Variants in TMEM31 observed in about 807,000 individuals in gnomAD.
TMEM31 encodes the protein testicular secretory protein Li 58.
In TMEM31, 1 loss-of-function variant was observed where a neutral mutation model predicts 2.4. That is an observed-to-expected ratio of 0.42 (90% CI 0.15 to 1.97). The LOEUF is 1.97. TMEM31 is among the 30% of genes most tolerant of loss of function. The probability of loss-of-function intolerance (pLI) is 0.30; values close to 1 mark genes in which losing one functional copy is unlikely to be tolerated. For missense variants in TMEM31, 119 were observed against 121.3 expected, an observed-to-expected ratio of 0.98 and a Z score of 0.09; for synonymous variants, 47 against 45.8, an observed-to-expected ratio of 1.03 and a Z score of -0.10.
intron 1 of TMEM31, among the ~76,000 whole-genome samples, chrX:103,711,567 C>A (rs1396421069): frequency 1.8e-5 from 2 of 110,901 alleles, no homozygotes; most frequent in Non-Finnish European, 3.8e-5. Flanking sequence ...ATTTTTCTAA[C>A]CCTTGGTATG....
chrX:103,712,981 AAATCAAAGAGATTAAAGT>A (rs1285171376), intron 2 of TMEM31, among the ~76,000 whole-genome samples: 72 of 112,728 alleles, frequency 6.4e-4, no homozygotes, highest in African/African-American at 1.9e-3. Context: ...AAAGAGATTA[AAATCAAAGAGATTAAAGT>A]AATCAAAGAG....
At chrX:103,711,717 A>G (rs987785664) in intron 1 of TMEM31, among the ~76,000 whole-genome samples, 14 of 111,806 alleles carry the variant, frequency 1.3e-4, no homozygotes, top group Admixed American at 2.8e-4. Flanking sequence ...TCAAACCACT[A>G]GATGAGACAG....
intron 2 of TMEM31, among the ~76,000 whole-genome samples, chrX:103,712,634 T>C (rs1340279560): frequency 8.9e-6 from 1 of 111,885 alleles, no homozygotes; most frequent in Non-Finnish European, 1.9e-5. Context: ...CAGCTTCAAG[T>C]GATTCTCCTG....
intron 2 of TMEM31, 69 bp from the exon 3 acceptor site, chrX:103,713,525 G>T: frequency 8.3e-7 from 1 of 1,211,097 alleles, no homozygotes; most frequent in African/African-American, 1.7e-5. Context: ...CTCACCAAGC[G>T]TTGGCGCCTC....
intron 1 of TMEM31, among the ~76,000 whole-genome samples, chrX:103,711,703 A>C (rs2074224686): frequency 9.0e-6 from 1 of 111,663 alleles, no homozygotes; most frequent in African/African-American, 3.3e-5. Flanking sequence ...AGGGACTGAT[A>C]AATTCAAACC....
Position 103,712,224 on chromosome X carries a change from A to C in TMEM31, c.-23-12A>C. The C allele has an allele frequency of 8.7e-7, 1 of 1,153,163 alleles. No individual in the cohort carries two copies. ...TTGTCATGACGACAAGATTTCTTTT[A>C]TATTTCCCCAGGTGATCACTTTACT... On this transcript the variant is annotated splice_polypyrimidine_tract_variant and intron_variant, in intron 1 of 2. Coordinates refer to ENST00000319560, the MANE Select transcript of TMEM31 (RefSeq NM_182541.2).
At position 103,713,988 on chromosome X, in the gene TMEM31, T is replaced by A. The variant is rs2074235193; in HGVS notation, c.497T>A (p.Ile166Asn). Residue 166 changes from isoleucine (I) to asparagine (N), a missense_variant, in exon 3 of 3, where the codon ATC becomes AAC. Coordinates refer to ENST00000319560, the MANE Select transcript of TMEM31 (RefSeq NM_182541.2). ...LLLFIIVFIL[I>N]FF The stretch of plus-strand genomic sequence containing the variant: ...CTTTTTATTATTGTCTTCATTCTGA[T>A]CTTCTTCTGATTCTTTTGTTTCAAT... The A allele has an allele frequency of 2.5e-6, 3 of 1,185,001 alleles. No individual in the cohort carries two copies. The Admixed American group carries it at 7.1e-5, about 28-fold the overall frequency.
At chrX:103,713,069 A>G (rs1287469781) in intron 2 of TMEM31, among the ~76,000 whole-genome samples, 4 of 111,154 alleles carry the variant, frequency 3.6e-5, no homozygotes, top group African/African-American at 1.3e-4. Context: ...TAGTACTAGA[A>G]TCCAGGTTTC....
intron 1 of TMEM31, among the ~76,000 whole-genome samples, chrX:103,711,359 C>T (rs1043885681): frequency 1.8e-4 from 20 of 110,104 alleles, no homozygotes; most frequent in African/African-American, 6.6e-4. Flanking sequence ...TGGCGGGCGC[C>T]TGTAGTCCCA....
In TMEM31 at chrX:103,713,807, C is replaced by A. The variant is rs1342523359; in HGVS notation, c.316C>A (p.His106Asn). 1 of 1,209,819 alleles carries A rather than the reference C, an allele frequency of 8.3e-7. No homozygotes were observed. The highest frequency in any genetic ancestry group is 1.1e-6 in the Non-Finnish European group (1 of 895,249). ...EFLLVFKEAFHDISHCLKAQM... is the reference protein window; with the variant it reads ...EFLLVFKEAFNDISHCLKAQM... ...TCTTCTGGTGTTTAAAGAAGCCTTC[C>A]ATGACATATCCCATTGTCTGAAAGC... The change falls in exon 3 of 3, where the codon CAT becomes AAT. Residue 106 changes from histidine (H) to asparagine (N), a missense_variant. Coordinates refer to ENST00000319560, the MANE Select transcript of TMEM31 (RefSeq NM_182541.2).
chrX:103,713,075 G>GTTTC (rs745966990), intron 2 of TMEM31, among the ~76,000 whole-genome samples: 34 of 110,270 alleles, frequency 3.1e-4, no homozygotes, highest in Admixed American at 6.7e-4. Flanking sequence ...TAGAATCCAG[G>GTTTC]TTTCTTTCTT....
chrX:103,712,800 A>T lies in TMEM31; in HGVS notation c.102+440A>T, dbSNP rs187801914. On this transcript the variant is annotated intron_variant, in intron 2 of 2. Coordinates refer to ENST00000319560, the MANE Select transcript of TMEM31 (RefSeq NM_182541.2). ...CGCCTTGGCCTCCCAAAGTGCTGGGATTACAGGCGTGAGCCCCCGTGCCTG... is the reference window on the plus strand; with the variant it reads ...CGCCTTGGCCTCCCAAAGTGCTGGGTTTACAGGCGTGAGCCCCCGTGCCTG... Among the ~76,000 whole-genome samples, 4 of 112,171 alleles carry T rather than the reference A, an allele frequency of 3.6e-5. No individual in the cohort carries two copies. In the East Asian group the frequency reaches 1.1e-3, roughly 32 times the overall value.
At position 103,713,937 on chromosome X, in the gene TMEM31, T is replaced by G; in HGVS notation, c.446T>G (p.Phe149Cys). ...FLPTILSLSF[F>C]ILLVLLLLLF... ...CCTACAATTCTTTCCCTTTCTTTCT[T>G]TATTCTTCTTGTACTTCTGCTTCTG... The change falls in exon 3 of 3, where the codon TTT becomes TGT. Residue 149 changes from phenylalanine (F) to cysteine (C), a missense_variant. Phe to Cys is a radical substitution (Grantham distance 205). Transcript: ENST00000319560. 1 of 1,210,902 alleles carries G rather than the reference T, an allele frequency of 8.3e-7. No individual in the cohort carries two copies. The highest frequency in any genetic ancestry group is 1.1e-6 in the Non-Finnish European group (1 of 894,979).
At chrX:103,712,099 A>T (rs1173327275) in intron 1 of TMEM31, 137 bp from the exon 2 acceptor site, 3 of 447,313 alleles carry the variant, frequency 6.7e-6, no homozygotes, top group Non-Finnish European at 1.2e-5. Flanking sequence ...TTTGCTCATA[A>T]TTGGACACTT....
At chrX:103,712,532 T>TTTTA (rs1421964855) in intron 2 of TMEM31, among the ~76,000 whole-genome samples, 172 bp downstream of exon 2, 5 of 111,760 alleles carry the variant, frequency 4.5e-5, no homozygotes, top group East Asian at 5.6e-4. Context: ...AGCAATCTCT[T>TTTTA]TTTATTTATT....
In TMEM31 at chrX:103,711,970, C is replaced by G. The variant is rs2074225686; in HGVS notation, c.-23-266C>G. 1.8e-5 allele frequency among the ~76,000 whole-genome samples: 2 copies of G among 111,927 alleles called. 1 individual carries two copies. The highest frequency in any genetic ancestry group is 3.8e-5 in the Non-Finnish European group (2 of 53,197). On this transcript the variant is annotated intron_variant, in intron 1 of 2. Transcript: ENST00000319560. ...CCCAGAGGTCATTATGCTCTTGCCT[C>G]TCTGGCTTTAGAGCCTCCAGATTAG...
chrX:103,711,256 G>A (rs2074221817), intron 1 of TMEM31, among the ~76,000 whole-genome samples, 180 bp downstream of exon 1: 1 of 110,809 alleles, frequency 9.0e-6, no homozygotes, highest in Admixed American at 9.5e-5. Context: ...AGGCCGAGGC[G>A]GGCGGATCAC....
chrX:103,713,559 T>C, intron 2 of TMEM31, 35 bp from the exon 3 acceptor site: 2 of 1,211,718 alleles, frequency 1.7e-6, no homozygotes, highest in Non-Finnish European at 2.2e-6. Context: ...GTCGTATGAA[T>C]TCTTTATGCT....
rs753596886 is a variant in TMEM31, at chrX:103,712,245, T to C, written c.-14T>C. 1.7e-6 allele frequency: 2 copies of C among 1,195,003 alleles called. No homozygotes were observed. Among genetic ancestry groups the C allele is most frequent in the South Asian group, 3.6e-5 (2 of 55,178 alleles). ...TTTTATATTTCCCCAGGTGATCACT[T>C]TACTGTAGAAGAAATGAGGTTAACA... On this transcript the variant is annotated 5_prime_UTR_variant, in exon 2 of 3. Coordinates refer to ENST00000319560, the MANE Select transcript of TMEM31 (RefSeq NM_182541.2).
Sources: allele counts gnomAD v4.1 joint callset (sites outside exome capture counted in the v4.1 genomes callset), GRCh38; gene constraint gnomAD v4.1.1; transcripts MANE v1.5; gene names NCBI Gene and HGNC (gene_info 2026-07-23, HGNC 2026-07-21).